Variants in SRPK2 observed in about 807,000 individuals in gnomAD.
SRPK2 encodes SRSF protein kinase 2, also known as SFRS protein kinase 2.
Under a neutral mutation model 90.8 loss-of-function variants are expected in SRPK2, and 21 were observed. That is an observed-to-expected ratio of 0.23 (90% CI 0.16 to 0.33). SRPK2 has a LOEUF of 0.33. Among genes scored for constraint, SRPK2 ranks in the 10% least tolerant of loss-of-function variants. SRPK2 has a pLI of 1.00. For synonymous variants in SRPK2, 288 were observed against 311.1 expected (o/e 0.93, Z 0.78); for missense variants, 620 against 869.0 (o/e 0.71, Z 3.60).
At chr7:105,247,888 G>A (rs1282913431) in intron 2 of SRPK2, among the ~76,000 whole-genome samples, 3 of 118,068 alleles carry the variant, frequency 2.5e-5, no homozygotes, top group African/African-American at 9.9e-5. Flanking sequence ...TTTTTTTTTT[G>A]AGACAGAGTT....
At chr7:105,222,325 G>A (rs1798197158) in intron 2 of SRPK2, among the ~76,000 whole-genome samples, 1 of 152,210 alleles carries the variant, frequency 6.6e-6, no homozygotes, top group Non-Finnish European at 1.5e-5. Context: ...TTAATAGAGA[G>A]ACATCGTACC....
At chr7:105,379,000 T>A (rs1820625958) in intron 2 of SRPK2, among the ~76,000 whole-genome samples, 1 of 151,620 alleles carries the variant, frequency 6.6e-6, no homozygotes, top group African/African-American at 2.4e-5. Flanking sequence ...CTACAAAAAA[T>A]TTTAAAATCA....
rs752765323 is a variant in SRPK2, at chr7:105,388,788, C to G, written c.16+3G>C. On this transcript the variant is annotated splice_donor_region_variant and intron_variant, in intron 1 of 15. Transcript: ENST00000393651. ...GGGAGAGGGCGCGCCGCGGGCCACTCACCTTTCCGGGAGCTCATTCCGACG... is the reference window on the plus strand; with the variant it reads ...GGGAGAGGGCGCGCCGCGGGCCACTGACCTTTCCGGGAGCTCATTCCGACG... 1.6e-5 allele frequency: 24 copies of G among 1,498,258 alleles called. No individual in the cohort carries two copies. Among genetic ancestry groups the G allele is most frequent in the Non-Finnish European group, 2.1e-5 (23 of 1,120,710 alleles). The allele number at this position is 1,498,258 out of a possible 1,614,324, so 92.8% of individuals were successfully genotyped here. A position where few individuals can be genotyped will look rare whatever the true frequency, so the allele number is the denominator to read the frequency against.
chr7:105,301,648 G>T, intron 2 of SRPK2: 6 of 1,611,410 alleles, frequency 3.7e-6, no homozygotes, highest in East Asian at 2.2e-5. Context: ...TGATCCCAAA[G>T]CCTTCTTAAT....
intron 2 of SRPK2, among the ~76,000 whole-genome samples, chr7:105,341,015 G>C (rs1815708821): frequency 6.6e-6 from 1 of 152,142 alleles, no homozygotes; most frequent in Non-Finnish European, 1.5e-5. Context: ...TGTCACAAAA[G>C]CATGCATTGG....
chr7:105,204,679 C>T (rs1224664349), intron 2 of SRPK2: 8 of 969,480 alleles, frequency 8.3e-6, no homozygotes, highest in East Asian at 4.9e-5. Flanking sequence ...ATTTCTGCAA[C>T]GGCAGCCCTC....
intron 2 of SRPK2, among the ~76,000 whole-genome samples, chr7:105,226,868 G>A (rs574448327): frequency 1.3e-5 from 2 of 151,312 alleles, no homozygotes; most frequent in Admixed American, 6.6e-5. Flanking sequence ...CTTGAACCTC[G>A]GAGGCAGAGG....
At position 105,277,087 on chromosome 7, in the gene SRPK2, T is replaced by A. The variant is rs189916274; in HGVS notation, c.72-73302A>T. ...GTGTCTCCAACTTATTATTATTATT[T>A]TTTTTTTGAGACAGAGTCTCACTCT... On this transcript the variant is annotated intron_variant, in intron 2 of 15. Coordinates refer to ENST00000393651, the MANE Select transcript of SRPK2 (RefSeq NM_182692.3). Among the ~76,000 whole-genome samples, 159 of 152,214 alleles carry A rather than the reference T, an allele frequency of 1.0e-3. 1 individual carries two copies. The highest frequency in any genetic ancestry group is 3.5e-3 in the African/African-American group (147 of 41,532).
chr7:105,172,085 G>C (rs971644158), intron 3 of SRPK2, among the ~76,000 whole-genome samples: 9 of 151,986 alleles, frequency 5.9e-5, no homozygotes, highest in Non-Finnish European at 1.3e-4. Context: ...GTAGAGACAG[G>C]GTTTTGCCAT....
At position 105,142,235 on chromosome 7, in the gene SRPK2, C is replaced by T; in HGVS notation, c.1316G>A (p.Ser439Asn). The T allele has an allele frequency of 6.2e-7, 1 of 1,614,090 alleles. No homozygotes were observed. The highest frequency in any genetic ancestry group is 2.2e-5 in the East Asian group (1 of 44,890). ...EPNAESDYTY[S>N]SSYEQFNGEL... ...ACCATTGAATTGTTCATAGGAGCTG[C>T]TATATGTGTAATCACTTTCTGCATT... Residue 439 changes from serine to asparagine, a missense_variant, in exon 11 of 16, where the codon AGC (serine) becomes AAC (asparagine). By Grantham distance (46) the Ser-to-Asn change is conservative. Coordinates refer to ENST00000393651, the MANE Select transcript of SRPK2 (RefSeq NM_182692.3).
At chr7:105,353,232 C>G (rs1182195315) in intron 2 of SRPK2, among the ~76,000 whole-genome samples, 1 of 152,158 alleles carries the variant, frequency 6.6e-6, no homozygotes, top group Non-Finnish European at 1.5e-5. Context: ...GCTCTACAAC[C>G]TATCAGCTCT....
chr7:105,164,677 G>A (rs1281578610), intron 6 of SRPK2, among the ~76,000 whole-genome samples: 2 of 152,058 alleles, frequency 1.3e-5, no homozygotes, highest in Admixed American at 1.3e-4. Flanking sequence ...TATGAACATG[G>A]TGACATTCCC....
intron 13 of SRPK2, among the ~76,000 whole-genome samples, chr7:105,129,218 GCCA>G (rs1246130545): frequency 6.6e-6 from 1 of 150,626 alleles, no homozygotes; most frequent in Non-Finnish European, 1.5e-5. Context: ...ACAGGCGTGA[GCCA>G]CCAAGCCCGG....
chr7:105,275,815 A>G (rs1332370488), intron 2 of SRPK2, among the ~76,000 whole-genome samples: 4 of 152,184 alleles, frequency 2.6e-5, no homozygotes, highest in Non-Finnish European at 5.9e-5. Flanking sequence ...GGGGAACATA[A>G]GAACACACAG....
chr7:105,309,102 T>C (rs1395071059), intron 2 of SRPK2, among the ~76,000 whole-genome samples: 2 of 152,154 alleles, frequency 1.3e-5, no homozygotes, highest in African/African-American at 4.8e-5. Context: ...AAACTTTGCA[T>C]ACACTCACAA....
intron 13 of SRPK2, among the ~76,000 whole-genome samples, chr7:105,129,739 A>G (rs147536098): frequency 1.1e-4 from 16 of 152,216 alleles, no homozygotes; most frequent in African/African-American, 3.4e-4. Flanking sequence ...ACTTGGCTCA[A>G]TCCCCTCAAA....
intron 3 of SRPK2, among the ~76,000 whole-genome samples, chr7:105,184,079 C>T (rs1793255143): frequency 6.7e-6 from 1 of 150,144 alleles, no homozygotes. Context: ...AGGTTCAAGC[C>T]ATTCTCCTGC....
intron 2 of SRPK2, among the ~76,000 whole-genome samples, chr7:105,274,370 T>A (rs1340134494): frequency 6.6e-6 from 1 of 152,082 alleles, no homozygotes; most frequent in East Asian, 1.9e-4. Context: ...AAGACCGGCC[T>A]GGCCAAGATG....
At chr7:105,215,519 C>T (rs184774067) in intron 2 of SRPK2, among the ~76,000 whole-genome samples, 3 of 152,284 alleles carry the variant, frequency 2.0e-5, no homozygotes, top group African/African-American at 7.2e-5. Context: ...CATGTCCACA[C>T]AAAAACGTGT....
Sources: gnomAD v4.1 joint callset for allele counts (sites outside exome capture counted in the v4.1 genomes callset) on GRCh38, gnomAD v4.1.1 for gene constraint, MANE v1.5 for transcripts, NCBI Gene and HGNC (gene_info 2026-07-23, HGNC 2026-07-21) for gene names.